The following RAPGEF2 variants were observed in gnomAD, a reference collection of about 807,000 sequenced individuals.
The protein encoded by RAPGEF2 is Rap guanine nucleotide exchange factor 2, also known as PDZ domain containing guanine nucleotide exchange factor (GEF) 1.
A neutral mutation model predicts 186.7 loss-of-function variants in RAPGEF2; 54 were observed. The observed-to-expected ratio is 0.29, with a 90% confidence interval of 0.23 to 0.36. The LOEUF is 0.36. Among genes scored for constraint, RAPGEF2 ranks in the 10% least tolerant of loss-of-function variants. The pLI is 1.00. For synonymous variants in RAPGEF2, 712 were observed against 705.9 expected (o/e 1.01, Z -0.14); for missense variants, 1,532 against 2,045.0 (o/e 0.75, Z 4.84).
Position 159,358,068 on chromosome 4 carries a change from A to G in RAPGEF2, c.4958-46A>G, listed in dbSNP as rs528112202. 102 of 1,589,646 alleles carry G rather than the reference A, an allele frequency of 6.4e-5. 1 individual carries two copies. The South Asian group carries it at 9.5e-4, about 15-fold the overall frequency. On this transcript the variant is annotated intron_variant, in intron 29 of 29. Transcript: ENST00000691494. Reference sequence around the variant, plus strand: ...TATATTCTCTATAGCACAAGAAATTACTTGCTTGCTCATTGATTTCTTTTT... The same window carrying G: ...TATATTCTCTATAGCACAAGAAATTGCTTGCTTGCTCATTGATTTCTTTTT...
chr4:159,263,688 TTTAA>T (rs1432474578), intron 7 of RAPGEF2, among the ~76,000 whole-genome samples: 1 of 152,196 alleles, frequency 6.6e-6, no homozygotes, highest in African/African-American at 2.4e-5. Flanking sequence ...TTTGATGAAG[TTTAA>T]TTAAATGTTT....
At position 159,323,449 on chromosome 4, in the gene RAPGEF2, T is replaced by C; in HGVS notation, c.991-10T>C. ...TTACTTTCTGCTTTGTCTTTATTTT[T>C]TTGGATTAGCTGGACTCCTGGTCAG... On this transcript the variant is annotated splice_polypyrimidine_tract_variant and intron_variant, in intron 10 of 29. Transcript: ENST00000691494. 6.3e-7 allele frequency: 1 copy of C among 1,580,502 alleles called. No individual in the cohort carries two copies. The highest frequency in any genetic ancestry group is 8.6e-7 in the Non-Finnish European group (1 of 1,163,522).
At chr4:159,201,437 G>C (rs1749398608) in intron 3 of RAPGEF2, among the ~76,000 whole-genome samples, 1 of 152,236 alleles carries the variant, frequency 6.6e-6, no homozygotes, top group Admixed American at 6.5e-5. Flanking sequence ...TGGACGCCTT[G>C]AAATCCCAAG....
chr4:159,267,796 T>C (rs1489643889), intron 7 of RAPGEF2: 24 of 1,002,930 alleles, frequency 2.4e-5, no homozygotes, highest in Non-Finnish European at 2.7e-5. Flanking sequence ...TTTTTCTTTT[T>C]TTTTTTTTTT....
At chr4:159,293,924 C>T (rs935644933) in intron 7 of RAPGEF2, among the ~76,000 whole-genome samples, 29 of 152,072 alleles carry the variant, frequency 1.9e-4, no homozygotes, top group African/African-American at 6.8e-4. Context: ...ATAGAAGTGG[C>T]GTACTCACTT....
chr4:159,351,233 T>C, intron 26 of RAPGEF2: 1 of 1,481,636 alleles, frequency 6.7e-7, no homozygotes, highest in East Asian at 2.5e-5. Context: ...ATCATCTCAT[T>C]AGTTAATGAA....
chr4:159,164,409 G>A (rs959802972), intron 1 of RAPGEF2, among the ~76,000 whole-genome samples: 3 of 151,336 alleles, frequency 2.0e-5, no homozygotes, highest in African/African-American at 7.3e-5. Context: ...GAGTGAAAAC[G>A]AAAATATCTG....
At chr4:159,322,732 G>A (rs1188871086) in intron 10 of RAPGEF2, among the ~76,000 whole-genome samples, 1 of 152,148 alleles carries the variant, frequency 6.6e-6, no homozygotes, top group Non-Finnish European at 1.5e-5. Context: ...TGGCTGGGGA[G>A]GCCTCAGAAT....
chr4:159,172,779 C>G (rs1241600734), intron 1 of RAPGEF2, among the ~76,000 whole-genome samples: 1 of 152,172 alleles, frequency 6.6e-6, no homozygotes, highest in African/African-American at 2.4e-5. Context: ...CTATAACTTG[C>G]TGTCCCTTCT....
rs142927853 is a variant in RAPGEF2 at position 159,244,584 on chromosome 4, A to G, written c.543+793A>G. On this transcript the variant is annotated intron_variant, in intron 7 of 29. Transcript: ENST00000691494. ...TGAGTCAAGGAAGAAAAACTGATTT[A>G]TCCTTGAAAACTAATTGGTTAAGTA... Among the ~76,000 whole-genome samples the G allele has an allele frequency of 3.4e-3, 516 of 152,040 alleles. 4 individuals carry two copies. Among genetic ancestry groups the G allele is most frequent in the African/African-American group, 0.012 (498 of 41,542 alleles).
chr4:159,305,320 A>T (rs1763151540), intron 8 of RAPGEF2, among the ~76,000 whole-genome samples: 1 of 152,118 alleles, frequency 6.6e-6, no homozygotes, highest in Admixed American at 6.6e-5. Context: ...GTGTTCTCTT[A>T]TCTCCACATC....
At chr4:159,173,164 G>A (rs1746093569) in intron 1 of RAPGEF2, among the ~76,000 whole-genome samples, 1 of 152,136 alleles carries the variant, frequency 6.6e-6, no homozygotes, top group South Asian at 2.1e-4. Flanking sequence ...TTCAAGATGG[G>A]AAAAACAGAT....
chr4:159,190,488 G>A (rs1284186615), intron 2 of RAPGEF2, among the ~76,000 whole-genome samples: 2 of 152,214 alleles, frequency 1.3e-5, no homozygotes, highest in South Asian at 2.1e-4. Flanking sequence ...AAAGATGTAT[G>A]TGAAGAAAAG....
rs886343070 is a variant in RAPGEF2 at position 159,130,570 on chromosome 4, C to T, written c.69+26339C>T. 3.9e-5 allele frequency among the ~76,000 whole-genome samples: 6 copies of T among 152,008 alleles called. No homozygotes were observed. The South Asian group carries it at 1.0e-3, about 26-fold the overall frequency. On this transcript the variant is annotated intron_variant, in intron 1 of 29. Transcript: ENST00000691494. Reference sequence around the variant, plus strand: ...TCATTTTTATTTTAGAGATGAATTTCGGATCTAAAGTCTAATTTTATTAAA... The same window carrying T: ...TCATTTTTATTTTAGAGATGAATTTTGGATCTAAAGTCTAATTTTATTAAA...
Position 159,353,929 on chromosome 4 carries a change from G to T in RAPGEF2, c.4534G>T (p.Asp1512Tyr). 6.2e-7 allele frequency: 1 copy of T among 1,614,168 alleles called. No individual in the cohort carries two copies. The highest frequency in any genetic ancestry group is 8.5e-7 in the Non-Finnish European group (1 of 1,180,030). The change falls in exon 28 of 30, where the codon GAT (aspartate) becomes TAT (tyrosine). Residue 1512 changes from aspartate to tyrosine, a missense_variant. Around this residue, in one of 4 missense-constraint regions of RAPGEF2, gnomAD observed 594 missense variants for 608.5 expected, o/e 0.98. Coordinates refer to ENST00000691494, the MANE Select transcript of RAPGEF2 (RefSeq NM_001394067.2). The surrounding 1 kb of genome is among the most constrained non-coding windows in gnomAD (Gnocchi z 4.3). Reference protein sequence around the residue: ...TGTIKRRGGKDVSIEAESSSL... With the variant: ...TGTIKRRGGKYVSIEAESSSL... ...CACAATAAAGCGGAGGGGTGGAAAG[G>T]ATGTTTCCATTGAAGCCGAAAGCAG...
intron 1 of RAPGEF2, among the ~76,000 whole-genome samples, chr4:159,142,716 T>A (rs1339557281): frequency 6.6e-6 from 1 of 152,244 alleles, no homozygotes; most frequent in Non-Finnish European, 1.5e-5. Context: ...ATGCAATGGT[T>A]TTTTAAAAAA....
At chr4:159,187,341 T>C (rs1747666801) in intron 2 of RAPGEF2, among the ~76,000 whole-genome samples, 2 of 150,444 alleles carry the variant, frequency 1.3e-5, no homozygotes, top group African/African-American at 4.9e-5. Context: ...CCCCCTCCAC[T>C]TCCCTCCCTT....
At chr4:159,276,922 CTT>C (rs1027805874) in intron 7 of RAPGEF2, among the ~76,000 whole-genome samples, 1 of 151,834 alleles carries the variant, frequency 6.6e-6, no homozygotes, top group Admixed American at 6.6e-5. Context: ...TAGGGACTAT[CTT>C]TTTTTAATTA....
At chr4:159,305,818 A>G (rs1426215923) in intron 8 of RAPGEF2, among the ~76,000 whole-genome samples, 2 of 152,004 alleles carry the variant, frequency 1.3e-5, no homozygotes, top group South Asian at 2.1e-4. Flanking sequence ...TAAGTCTTCA[A>G]TCTGTTTTGA....
Sources: allele counts gnomAD v4.1 joint callset (sites outside exome capture counted in the v4.1 genomes callset), GRCh38; gene constraint gnomAD v4.1.1; regional missense constraint gnomAD v4.1.1; non-coding constraint Gnocchi (gnomAD v3.1); transcripts MANE v1.5; gene names NCBI Gene and HGNC (gene_info 2026-07-23, HGNC 2026-07-21).